Variants in SORBS2 observed in about 807,000 individuals in gnomAD.
SORBS2 encodes the protein sorbin and SH3 domain-containing protein 2.
SORBS2 carries 46 observed loss-of-function variants against 97.7 expected under a neutral mutation model. The observed-to-expected ratio is 0.47, with a 90% CI of 0.37 to 0.60. SORBS2 has a LOEUF of 0.60. Among genes scored for constraint, SORBS2 ranks in the 20% least tolerant of loss-of-function variants. The pLI, the probability that SORBS2 is intolerant of heterozygous loss-of-function variation, is 0.00. For synonymous variants in SORBS2, 476 were observed against 473.4 expected (o/e 1.01, Z -0.07); for missense variants, 1,316 against 1,282.3 (o/e 1.03, Z -0.40).
intron 2 of SORBS2, 133 bp downstream of exon 10, chr4:185,652,529 G>T: frequency 5.5e-6 from 4 of 721,130 alleles, no homozygotes; most frequent in South Asian, 4.9e-5. Flanking sequence ...AGAACAGGAG[G>T]CATGCTGAAA....
At chr4:185,706,162 C>T (rs2098338779) in intron 2 of SORBS2, among the ~76,000 whole-genome samples, 1 of 152,190 alleles carries the variant, frequency 6.6e-6, no homozygotes, top group Admixed American at 6.5e-5. Context: ...AATTCTAAAT[C>T]ACCAAATTAT....
chr4:185,822,318 G>T (rs1042790523), intron 1 of SORBS2, among the ~76,000 whole-genome samples: 2 of 152,172 alleles, frequency 1.3e-5, no homozygotes, highest in African/African-American at 4.8e-5. Flanking sequence ...GTTCCAACAG[G>T]CCTGGAGCTC....
chr4:185,906,635 G>A (rs952208508), intron 1 of SORBS2, among the ~76,000 whole-genome samples: 7 of 152,284 alleles, frequency 4.6e-5, no homozygotes, highest in Middle Eastern at 3.4e-3. Context: ...TGCAGTGCCC[G>A]TGAATGAATA....
upstream of SORBS2, among the ~76,000 whole-genome samples, chr4:185,660,061 C>T (rs919080688): frequency 3.3e-5 from 5 of 152,228 alleles, no homozygotes; most frequent in South Asian, 2.1e-4. Flanking sequence ...CATATTCCTC[C>T]GAAACCTTAT....
chr4:185,868,147 C>CTTTCTT, intron 1 of SORBS2, among the ~76,000 whole-genome samples: 1 of 89,766 alleles, frequency 1.1e-5, no homozygotes, highest in South Asian at 3.2e-4. Context: ...CTTTTCTTTT[C>CTTTCTT]TTTTTTTCTT....
intron 1 of SORBS2, among the ~76,000 whole-genome samples, chr4:185,790,102 G>A (rs549992322): frequency 2.0e-5 from 3 of 152,114 alleles, no homozygotes; most frequent in Admixed American, 1.3e-4. Context: ...GAGGAGGCAA[G>A]AGATCTGGAG....
chr4:185,747,689 G>A (rs542355483), intron 2 of SORBS2, among the ~76,000 whole-genome samples: 16 of 152,192 alleles, frequency 1.1e-4, no homozygotes, highest in South Asian at 4.1e-4. Context: ...GCACTACTCC[G>A]TGCCTGGAGC....
Position 185,607,206 on chromosome 4 carries a change from A to G in SORBS2, c.2796+4574T>C. The G allele has an allele frequency of 8.7e-7, 1 of 1,146,098 alleles. No homozygotes were observed. Among genetic ancestry groups the G allele is most frequent in the Non-Finnish European group, 1.1e-6 (1 of 920,866 alleles). 71.0% of individuals were successfully genotyped at this position (1,146,098 alleles called of 1,614,324 possible). On this transcript the variant is annotated intron_variant, in intron 12 of 14. Transcript: ENST00000418609. The surrounding 1 kb of genome is among the most constrained non-coding windows in gnomAD (Gnocchi z 5.2). ...CACCCAAGAAGTTGTCCAGGAAACGAGGTGGTGTTGGGGCCAAAGGGTTTG... is the reference window on the plus strand; with the variant it reads ...CACCCAAGAAGTTGTCCAGGAAACGGGGTGGTGTTGGGGCCAAAGGGTTTG...
chr4:185,916,660 A>G (rs11945968), intron 1 of SORBS2, among the ~76,000 whole-genome samples: 12,203 of 152,118 alleles, frequency 0.08, 530 homozygotes, highest in East Asian at 0.14. Context: ...TTCCCAGGGG[A>G]CATTTTCTGT....
chr4:185,854,627 T>C (rs188548786), intron 1 of SORBS2, among the ~76,000 whole-genome samples: 263 of 152,326 alleles, frequency 1.7e-3, no homozygotes, highest in African/African-American at 6.0e-3. Context: ...TTTAATAGAA[T>C]GAAATCTGTC....
At chr4:185,927,060 TATG>T (rs1335313062) in intron 1 of SORBS2, among the ~76,000 whole-genome samples, 3 of 150,906 alleles carry the variant, frequency 2.0e-5, no homozygotes, top group Non-Finnish European at 3.0e-5. Context: ...ATATATGAAA[TATG>T]ATACCACATA....
At chr4:185,587,474 G>C (rs2095813931) in exon 15 of SORBS2, 1 of 653,884 alleles carries the variant, frequency 1.5e-6, no homozygotes, top group Admixed American at 2.3e-5. Flanking sequence ...CAGCAGCGGC[G>C]GCTACTCTGC....
In SORBS2 at chr4:185,890,700, C is replaced by A. The variant is rs10004099; in HGVS notation, c.-338+65496G>T. Among the ~76,000 whole-genome samples the A allele has an allele frequency of 2.7e-3, 412 of 152,312 alleles. 2 individuals carry two copies. Among genetic ancestry groups the A allele is most frequent in the African/African-American group, 9.4e-3 (391 of 41,574 alleles). On this transcript the variant is annotated intron_variant, in intron 1 of 20. Transcript: ENST00000284776. ...CCTTCTAACAGCACAGTGTGTGTTT[C>A]TCTTGCTCCTTCACAGCTGTATGCA... is the stretch of plus-strand genomic sequence containing the variant.
chr4:185,880,829 G>A (rs548874003), intron 1 of SORBS2, among the ~76,000 whole-genome samples: 5 of 152,274 alleles, frequency 3.3e-5, no homozygotes, highest in East Asian at 1.9e-4. Context: ...TGACAGGTTC[G>A]GAGTGATTTT....
intron 1 of SORBS2, among the ~76,000 whole-genome samples, chr4:185,802,633 C>A (rs535310467): frequency 6.6e-6 from 1 of 152,166 alleles, no homozygotes; most frequent in African/African-American, 2.4e-5. Context: ...CTCATCATTG[C>A]CTGCTCAAGC....
chr4:185,930,819 AAAGT>A (rs1288045232), intron 1 of SORBS2, among the ~76,000 whole-genome samples: 3 of 152,238 alleles, frequency 2.0e-5, no homozygotes, highest in Admixed American at 6.5e-5. Flanking sequence ...TGTGATGGAA[AAAGT>A]AATAATGACT....
At chr4:185,617,642 A>G (rs1297969390) in intron 9 of SORBS2, among the ~76,000 whole-genome samples, 3 of 152,232 alleles carry the variant, frequency 2.0e-5, no homozygotes, top group African/African-American at 7.2e-5. Flanking sequence ...GTCTGTGCAC[A>G]TAGGCCACAA....
At chr4:185,838,640 GC>G (rs1392360950) in intron 1 of SORBS2, among the ~76,000 whole-genome samples, 1 of 152,162 alleles carries the variant, frequency 6.6e-6, no homozygotes, top group Non-Finnish European at 1.5e-5. Context: ...CATTTGCTTT[GC>G]CTTTTTTCCT....
At chr4:185,739,753 ACT>A (rs1287462772) in intron 2 of SORBS2, among the ~76,000 whole-genome samples, 1 of 152,236 alleles carries the variant, frequency 6.6e-6, no homozygotes, top group African/African-American at 2.4e-5. Flanking sequence ...AGCACATGGC[ACT>A]GATTCTGAAA....
Sources: gnomAD v4.1 joint callset for allele counts (sites outside exome capture counted in the v4.1 genomes callset) on GRCh38, gnomAD v4.1.1 for gene constraint, Gnocchi (gnomAD v3.1) non-coding constraint, MANE v1.5 for transcripts, NCBI Gene and HGNC (gene_info 2026-07-23, HGNC 2026-07-21) for gene names.